NPR3: variants seen among roughly 807,000 people sequenced by gnomAD.
NPR3 encodes the protein atrial natriuretic peptide receptor 3.
A neutral mutation model predicts 54.5 loss-of-function variants in NPR3; 34 were observed. The ratio of observed to expected loss-of-function variants is 0.62; its 90% CI spans 0.47 to 0.83. The LOEUF (loss-of-function observed/expected upper bound fraction) is 0.83, where lower values mean the gene tolerates loss of function less well. Ranked by LOEUF, NPR3 falls within the 40% of genes least tolerant of loss-of-function variation. The probability of loss-of-function intolerance (pLI) is 0.00; values close to 1 mark genes in which losing one functional copy is unlikely to be tolerated. For synonymous variants in NPR3, 289 were observed against 297.1 expected (o/e 0.97, Z 0.28); for missense variants, 674 against 720.8 (o/e 0.94, Z 0.74).
At chr5:32,711,242 C>T (rs992250104), upstream of NPR3, 153 of 455,666 alleles carry the variant, frequency 3.4e-4, no homozygotes, top group African/African-American at 3.5e-3. Context: ...AAACACAAGC[C>T]CGGCCTCGGC....
intron 1 of NPR3, 136 bp from the exon 2 acceptor site, chr5:32,724,562 T>A: frequency 1.0e-6 from 1 of 981,310 alleles, no homozygotes; most frequent in Admixed American, 2.4e-5. Context: ...CATTTGTAGT[T>A]AACAAGTGAT....
intron 1 of NPR3, among the ~76,000 whole-genome samples, chr5:32,723,229 C>T (rs1173943781): frequency 6.6e-6 from 1 of 152,162 alleles, no homozygotes; most frequent in African/African-American, 2.4e-5. Context: ...AGTATGTGTG[C>T]AGCAAAACAC....
intron 3 of NPR3, among the ~76,000 whole-genome samples, chr5:32,741,829 G>T (rs1740051973): frequency 6.6e-6 from 1 of 151,740 alleles, no homozygotes; most frequent in African/African-American, 2.4e-5. Flanking sequence ...GGGCTCAAGG[G>T]ATCCTCCTGC....
intron 3 of NPR3, among the ~76,000 whole-genome samples, chr5:32,762,180 A>T (rs988294866): frequency 6.6e-5 from 10 of 151,994 alleles, no homozygotes; most frequent in Non-Finnish European, 1.5e-4. Flanking sequence ...CATTTTCTTT[A>T]TCCAGTCTAC....
chr5:32,750,220 C>G (rs1225544014), intron 3 of NPR3, among the ~76,000 whole-genome samples: 1 of 152,192 alleles, frequency 6.6e-6, no homozygotes, highest in Non-Finnish European at 1.5e-5. Context: ...CCTCCGCTTC[C>G]CAGGGTCAAG....
intron 3 of NPR3, among the ~76,000 whole-genome samples, chr5:32,770,174 G>A (rs545917330): frequency 1.3e-5 from 2 of 152,350 alleles, no homozygotes; most frequent in Non-Finnish European, 2.9e-5. Context: ...GCTCATGCCT[G>A]TGATCCCAGC....
intron 2 of NPR3, among the ~76,000 whole-genome samples, chr5:32,738,190 A>G (rs927353601): frequency 2.0e-5 from 3 of 152,148 alleles, no homozygotes; most frequent in African/African-American, 7.2e-5. Context: ...CAGAATGTGC[A>G]GGTTTGTTAC....
At chr5:32,748,588 T>C (rs1467225043) in intron 3 of NPR3, among the ~76,000 whole-genome samples, 2 of 152,178 alleles carry the variant, frequency 1.3e-5, no homozygotes, top group African/African-American at 4.8e-5. Context: ...TCCTGGCTTT[T>C]TTCTTCTTTC....
intron 3 of NPR3, among the ~76,000 whole-genome samples, chr5:32,754,284 T>C (rs1432553355): frequency 1.3e-5 from 2 of 152,198 alleles, no homozygotes; most frequent in African/African-American, 4.8e-5. Flanking sequence ...GAGACTTTAA[T>C]TTGTTAAATG....
In NPR3 at chr5:32,780,636, T is replaced by C. The variant is rs948081799; in HGVS notation, c.1196-86T>C. ...CTGTGGCATGAGTTTGTTTAAAAAA[T>C]CCTGCCAATTCATTTTCTTGTTTTT... On this transcript the variant is annotated intron_variant, in intron 4 of 7. Transcript: ENST00000265074. The C allele has an allele frequency of 2.2e-5, 17 of 778,450 alleles. No homozygotes were observed. The African/African-American group carries it at 2.4e-4, about 11-fold the overall frequency. The allele number at this position is 778,450 out of a possible 1,614,324, so 48.2% of individuals were successfully genotyped here. A position where few individuals can be genotyped will look rare whatever the true frequency, so the allele number is the denominator to read the frequency against.
At chr5:32,750,720 A>G (rs1740531704) in intron 3 of NPR3, among the ~76,000 whole-genome samples, 1 of 152,068 alleles carries the variant, frequency 6.6e-6, no homozygotes, top group Non-Finnish European at 1.5e-5. Flanking sequence ...TTTGGTCCAA[A>G]ATGCCCTAGC....
chr5:32,708,841 A>T (rs1738067807), upstream of NPR3, among the ~76,000 whole-genome samples: 1 of 151,988 alleles, frequency 6.6e-6, no homozygotes, highest in Non-Finnish European at 1.5e-5. Flanking sequence ...AAGGTTTTTT[A>T]AAAACCCTAA....
At chr5:32,728,833 G>GTATATATA (rs1299474754) in intron 2 of NPR3, among the ~76,000 whole-genome samples, 14 of 64,046 alleles carry the variant, frequency 2.2e-4, no homozygotes, top group South Asian at 6.8e-4. Flanking sequence ...GTGTGTGTGT[G>GTATATATA]TGTGTATATA....
intron 6 of NPR3, chr5:32,783,363 C>T: frequency 5.1e-6 from 1 of 194,342 alleles, no homozygotes; most frequent in Non-Finnish European, 1.0e-5. Flanking sequence ...AAGTCTCGTT[C>T]TGATTTTTCA....
intron 1 of NPR3, among the ~76,000 whole-genome samples, chr5:32,720,446 T>C (rs1440496154): frequency 1.3e-5 from 2 of 152,216 alleles, no homozygotes; most frequent in Non-Finnish European, 2.9e-5. Flanking sequence ...CTTCTATAGC[T>C]ACCTCTTCGC....
intron 1 of NPR3, among the ~76,000 whole-genome samples, chr5:32,714,189 C>G (rs1738422137): frequency 1.3e-5 from 2 of 152,254 alleles, no homozygotes; most frequent in Admixed American, 1.3e-4. Context: ...GTGTGTCCCC[C>G]TATGGGCGAG....
At chr5:32,772,310 A>G (rs1741809181) in intron 3 of NPR3, among the ~76,000 whole-genome samples, 1 of 152,212 alleles carries the variant, frequency 6.6e-6, no homozygotes, top group Admixed American at 6.5e-5. Context: ...CTGAAGTGAG[A>G]TGGTACTAAA....
In NPR3 at chr5:32,774,877, G is replaced by T. The variant is rs1463969593; in HGVS notation, c.1195+34G>T. 4 of 1,538,494 alleles carry T rather than the reference G, an allele frequency of 2.6e-6. No individual in the cohort carries two copies. The South Asian group carries it at 3.4e-5, about 13-fold the overall frequency. On this transcript the variant is annotated intron_variant, in intron 4 of 7. Transcript: ENST00000265074. ...TCCATCTATAAGGCAATTACATGGG[G>T]CCAAATGAGCTGCTGCTTTTCTGGT... is the stretch of plus-strand genomic sequence containing the variant.
intron 1 of NPR3, among the ~76,000 whole-genome samples, chr5:32,692,677 A>G (rs1740422637): frequency 6.6e-6 from 1 of 152,368 alleles, no homozygotes; most frequent in South Asian, 2.1e-4. Context: ...TGCTGGAAAG[A>G]AATAAAAAAT....
Sources: allele counts gnomAD v4.1 joint callset (sites outside exome capture counted in the v4.1 genomes callset), GRCh38; gene constraint gnomAD v4.1.1; transcripts MANE v1.5; gene names NCBI Gene and HGNC (gene_info 2026-07-23, HGNC 2026-07-21).